Variants in EPHB2 observed in about 807,000 individuals in gnomAD.
EPHB2 encodes EPH receptor B2, also known as ephrin type-B receptor 2.
Under a neutral mutation model 96.4 loss-of-function variants are expected in EPHB2, and 18 were observed. The observed-to-expected ratio is 0.19, with a 90% CI of 0.13 to 0.28. The LOEUF (loss-of-function observed/expected upper bound fraction) is 0.28. Ranked by LOEUF, EPHB2 falls within the 10% of genes least tolerant of loss-of-function variation. EPHB2 has a pLI of 1.00. For missense variants in EPHB2, 989 were observed against 1,355.4 expected (o/e 0.73, Z 4.25); for synonymous variants, 506 against 534.1 (o/e 0.95, Z 0.72).
At chr1:22,761,492 C>A (rs1205244863) in intron 1 of EPHB2, among the ~76,000 whole-genome samples, 1 of 152,142 alleles carries the variant, frequency 6.6e-6, no homozygotes, top group Non-Finnish European at 1.5e-5. Flanking sequence ...TGAGAATAAG[C>A]ATTGGAGCCA....
At chr1:22,904,534 C>A (rs1359677062) in intron 9 of EPHB2, among the ~76,000 whole-genome samples, 1 of 152,118 alleles carries the variant, frequency 6.6e-6, no homozygotes. Flanking sequence ...AATTAAGAAA[C>A]CCTGACCTCA....
intron 5 of EPHB2, among the ~76,000 whole-genome samples, chr1:22,867,504 G>A (rs1009913685): frequency 6.6e-6 from 1 of 152,110 alleles, no homozygotes; most frequent in African/African-American, 2.4e-5. Context: ...TTCTTTTGGG[G>A]CCCTGGGTGG....
intron 3 of EPHB2, among the ~76,000 whole-genome samples, chr1:22,826,452 A>G (rs958752980): frequency 6.6e-6 from 1 of 152,240 alleles, no homozygotes; most frequent in African/African-American, 2.4e-5. Flanking sequence ...TTAGATTTGG[A>G]TGCTGATTCT....
intron 3 of EPHB2, among the ~76,000 whole-genome samples, chr1:22,848,182 A>T (rs1645571501): frequency 6.6e-6 from 1 of 152,122 alleles, no homozygotes; most frequent in Non-Finnish European, 1.5e-5. Context: ...TTAGATTTGG[A>T]GGTAGGAGCC....
intron 1 of EPHB2, chr1:22,774,519 C>G: frequency 1.0e-6 from 1 of 976,900 alleles, no homozygotes; most frequent in African/African-American, 1.8e-5. Context: ...GCCAGGCGTT[C>G]CAGGCAGAAA....
chr1:22,811,331 C>T (rs1484373568), intron 3 of EPHB2, among the ~76,000 whole-genome samples: 1 of 152,158 alleles, frequency 6.6e-6, no homozygotes, highest in Non-Finnish European at 1.5e-5. Context: ...TTTAATTCCT[C>T]GGACCCTAAT....
intron 3 of EPHB2, among the ~76,000 whole-genome samples, chr1:22,813,385 C>G (rs1043923617): frequency 2.0e-5 from 3 of 152,070 alleles, no homozygotes; most frequent in African/African-American, 7.2e-5. Context: ...GGCATGGGAT[C>G]AAGAAGAATG....
intron 3 of EPHB2, among the ~76,000 whole-genome samples, chr1:22,819,816 ATTT>A (rs5773023): frequency 6.0e-5 from 9 of 148,766 alleles, no homozygotes; most frequent in East Asian, 4.0e-4. Flanking sequence ...CAAATTGATG[ATTT>A]TTTTTTTTTT....
chr1:22,805,888 T>C (rs193090232), intron 3 of EPHB2, among the ~76,000 whole-genome samples: 21 of 152,232 alleles, frequency 1.4e-4, no homozygotes, highest in Admixed American at 1.4e-3. Context: ...GCCGAGCCCA[T>C]TTGTATGCAG....
chr1:22,817,527 G>A (rs1645092096), intron 3 of EPHB2, among the ~76,000 whole-genome samples: 1 of 152,202 alleles, frequency 6.6e-6, no homozygotes, highest in Admixed American at 6.5e-5. Flanking sequence ...TTCAGAAATG[G>A]CAAATCAGGG....
intron 3 of EPHB2, among the ~76,000 whole-genome samples, chr1:22,828,270 G>A (rs1488579884): frequency 6.6e-6 from 1 of 152,152 alleles, no homozygotes; most frequent in Non-Finnish European, 1.5e-5. Context: ...ATGAGTGGGT[G>A]CATATGCCTC....
chr1:22,878,732 T>C (rs1478058156), intron 5 of EPHB2, among the ~76,000 whole-genome samples: 1 of 152,240 alleles, frequency 6.6e-6, no homozygotes, highest in Non-Finnish European at 1.5e-5. Context: ...GGGAGCTGCA[T>C]ACGGGTCTGT....
intron 3 of EPHB2, among the ~76,000 whole-genome samples, chr1:22,799,749 G>A (rs1230993124): frequency 6.6e-6 from 1 of 152,198 alleles, no homozygotes; most frequent in African/African-American, 2.4e-5. Context: ...TATGACCTGG[G>A]TGAGGCTTAG....
rs757754267 is a variant in EPHB2, at chr1:22,906,855, C to A, written c.2034C>A (p.Asp678Glu). The A allele has an allele frequency of 3.9e-5, 63 of 1,614,084 alleles. No homozygotes were observed. The highest frequency in any genetic ancestry group is 5.0e-5 in the Non-Finnish European group (59 of 1,180,048). The stretch of plus-strand genomic sequence containing the variant: ...AAGCCTCCATCATGGGCCAGTTCGA[C>A]CATCCCAACGTCATCCACCTGGAGG... The part of the protein sequence containing the change: ...LSEASIMGQF[D>E]HPNVIHLEGV... The change falls in exon 11 of 16, where the codon GAC (aspartate) becomes GAA (glutamate). Residue 678 changes from aspartate to glutamate, a missense_variant. Transcript: ENST00000374630. The surrounding 1 kb of genome is among the most constrained non-coding windows in gnomAD (Gnocchi z 4.8).
chr1:22,736,161 G>A (rs1643823152), intron 1 of EPHB2, among the ~76,000 whole-genome samples: 1 of 152,272 alleles, frequency 6.6e-6, no homozygotes, highest in South Asian at 2.1e-4. Context: ...AGCAGAGTCG[G>A]GGGGCTGTGG....
chr1:22,878,676 G>T (rs1281335401), intron 5 of EPHB2, among the ~76,000 whole-genome samples: 1 of 152,220 alleles, frequency 6.6e-6, no homozygotes, highest in Non-Finnish European at 1.5e-5. Context: ...GCTCAGCAAG[G>T]CTAAAAGTAC....
At chr1:22,728,317 A>G (rs1457053078) in intron 1 of EPHB2, among the ~76,000 whole-genome samples, 1 of 152,248 alleles carries the variant, frequency 6.6e-6, no homozygotes, top group Non-Finnish European at 1.5e-5. Context: ...TCCATGCAGA[A>G]TCCTGTTTAA....
intron 3 of EPHB2, among the ~76,000 whole-genome samples, chr1:22,836,222 CAA>C (rs970010868): frequency 6.6e-6 from 1 of 152,166 alleles, no homozygotes; most frequent in Non-Finnish European, 1.5e-5. Flanking sequence ...CATGTGCGTC[CAA>C]GAGAGAGCTC....
At chr1:22,780,004 A>G (rs750406700) in intron 1 of EPHB2, among the ~76,000 whole-genome samples, 4 of 152,058 alleles carry the variant, frequency 2.6e-5, no homozygotes, top group Non-Finnish European at 5.9e-5. Context: ...CCTCATCTCC[A>G]CTACCAGACC....
Sources: gnomAD v4.1 joint callset for allele counts (sites outside exome capture counted in the v4.1 genomes callset) on GRCh38, gnomAD v4.1.1 for gene constraint, Gnocchi (gnomAD v3.1) non-coding constraint, MANE v1.5 for transcripts, NCBI Gene and HGNC (gene_info 2026-07-23, HGNC 2026-07-21) for gene names.